H6PD: variants seen among roughly 807,000 people sequenced by gnomAD.
H6PD encodes hexose-6-phosphate dehydrogenase/glucose 1-dehydrogenase, also known as GDH/6PGL endoplasmic bifunctional protein.
In H6PD, 48 loss-of-function variants were observed where a neutral mutation model predicts 61.2. The observed-to-expected ratio is 0.78, with a 90% CI of 0.62 to 1.00. H6PD has a LOEUF of 1.00. Among genes scored for constraint, H6PD ranks in the 50% least tolerant of loss-of-function variants. H6PD has a pLI of 0.00. For synonymous variants in H6PD, 480 were observed against 457.9 expected, an observed-to-expected ratio of 1.05 and a Z score of -0.62; for missense variants, 1,093 against 1,065.0, an observed-to-expected ratio of 1.03 and a Z score of -0.37.
Position 9,245,386 on chromosome 1 carries a change from A to C in H6PD, c.452A>C (p.Asp151Ala), listed in dbSNP as rs34603401. The stretch of plus-strand genomic sequence containing the variant: ...TCAGTGCCACCCTTCGCCTATGAAG[A>C]CATTGCCCGCAACATCAACAGTAGC... ...YFSVPPFAYE[D>A]IARNINSSCR... The change falls in exon 2 of 5, where the codon GAC becomes GCC. Residue 151 changes from aspartate to alanine, a missense_variant. Coordinates refer to ENST00000377403, the MANE Select transcript of H6PD (RefSeq NM_004285.4). The surrounding 1 kb of genome is among the most constrained non-coding windows in gnomAD (Gnocchi z 4.8). 0.14 allele frequency: 220,779 copies of C among 1,614,012 alleles called. 16,395 individuals are homozygous for C. The highest frequency in any genetic ancestry group is 0.17 in the Middle Eastern group (1,006 of 6,062).
Position 9,264,423 on chromosome 1 carries a change from G to T in H6PD, c.1930G>T (p.Val644Phe), listed in dbSNP as rs374802298. The change falls in exon 5 of 5, where the codon GTC (valine) becomes TTC (phenylalanine). Residue 644 changes from valine (V) to phenylalanine (F), a missense_variant. Transcript: ENST00000377403. ...CCTGCAGGCCCACCTGCTGCAGCACGTCCGGATCCCCTACTACAACATCCA... is the reference window on the plus strand; with the variant it reads ...CCTGCAGGCCCACCTGCTGCAGCACTTCCGGATCCCCTACTACAACATCCA... ...QGLQAHLLQHVRIPYYNIHPM... is the reference protein window; with the variant it reads ...QGLQAHLLQHFRIPYYNIHPM... 3.1e-6 allele frequency: 5 copies of T among 1,612,972 alleles called. No homozygotes were observed. Among genetic ancestry groups the T allele is most frequent in the Non-Finnish European group, 4.2e-6 (5 of 1,179,944 alleles).
intron 4 of H6PD, among the ~76,000 whole-genome samples, chr1:9,263,083 C>T (rs994777585): frequency 9.2e-5 from 14 of 152,092 alleles, no homozygotes; most frequent in African/African-American, 2.7e-4. Context: ...GACCCTGCGT[C>T]GGGTGCATCC....
In H6PD at chr1:9,245,188, C is replaced by T. The variant is rs770294457; in HGVS notation, c.254C>T (p.Ser85Phe). ...ELMAKALESL[S>F]CPKDMAPSHC... ...ATGGCCAAGGCCCTGGAATCCCTCT[C>T]CTGCCCCAAGGACATGGCACCCAGT... The change falls in exon 2 of 5, where the codon TCC becomes TTC. Residue 85 changes from serine (S) to phenylalanine (F), a missense_variant. Transcript: ENST00000377403. The surrounding 1 kb of genome is among the most constrained non-coding windows in gnomAD (Gnocchi z 4.8). 4.3e-6 allele frequency: 7 copies of T among 1,614,134 alleles called. No homozygotes were observed. The highest frequency in any genetic ancestry group is 5.9e-6 in the Non-Finnish European group (7 of 1,180,050).
rs1275092756 is a variant in H6PD, at chr1:9,264,346, T to A, written c.1853T>A (p.Leu618Gln). ...CCCTGGGCCCACACGCACCTGTGGC[T>A]GGTTGACGAGCGCTGCGTCCCACTC... ...GFPWAHTHLWLVDERCVPLSD... is the reference protein window; with the variant it reads ...GFPWAHTHLWQVDERCVPLSD... The change falls in exon 5 of 5, where the codon CTG (leucine) becomes CAG (glutamine). Residue 618 changes from leucine to glutamine, a missense_variant. Transcript: ENST00000377403. 6.2e-7 allele frequency: 1 copy of A among 1,612,390 alleles called. No individual in the cohort carries two copies. Among genetic ancestry groups the A allele is most frequent in the African/African-American group, 1.3e-5 (1 of 74,936 alleles).
intron 3 of H6PD, among the ~76,000 whole-genome samples, chr1:9,256,829 C>T (rs984231870): frequency 2.6e-5 from 4 of 152,192 alleles, no homozygotes; most frequent in African/African-American, 9.7e-5. Context: ...CCTATTTCCT[C>T]ATCTTACACT....
At position 9,264,421 on chromosome 1, in the gene H6PD, A is replaced by G; in HGVS notation, c.1928A>G (p.His643Arg). The G allele has an allele frequency of 6.2e-7, 1 of 1,613,096 alleles. No individual in the cohort carries two copies. The highest frequency in any genetic ancestry group is 8.5e-7 in the Non-Finnish European group (1 of 1,179,958). The part of the protein sequence containing the change: ...FQGLQAHLLQ[H>R]VRIPYYNIHP... ...GGCCTGCAGGCCCACCTGCTGCAGC[A>G]CGTCCGGATCCCCTACTACAACATC... The change falls in exon 5 of 5, where the codon CAC (histidine) becomes CGC (arginine). Residue 643 changes from histidine to arginine, a missense_variant. By Grantham distance (29) the His-to-Arg change is conservative. Coordinates refer to ENST00000377403, the MANE Select transcript of H6PD (RefSeq NM_004285.4).
At chr1:9,261,969 G>A (rs1638318339) in intron 3 of H6PD, 90 bp from the exon 4 acceptor site, 1 of 1,307,176 alleles carries the variant, frequency 7.7e-7, no homozygotes, top group Non-Finnish European at 1.1e-6. Context: ...CAGGATGAAT[G>A]TGCGGGCTGG....
chr1:9,236,582 C>G (rs1640854967), intron 1 of H6PD, among the ~76,000 whole-genome samples: 1 of 151,946 alleles, frequency 6.6e-6, no homozygotes, highest in Admixed American at 6.6e-5. Context: ...ATCGCTTGAA[C>G]CGCCCTGCCT....
rs190913944 is a variant in H6PD at position 9,266,643 on chromosome 1, T to C, written c.*1774T>C. The C allele has an allele frequency of 6.6e-6, 1 of 152,352 alleles. No homozygotes were observed. Among genetic ancestry groups the C allele is most frequent in the African/African-American group, 2.4e-5 (1 of 41,556 alleles). 9.4% of individuals were successfully genotyped at this position (152,352 alleles called of 1,614,324 possible). A position where few individuals can be genotyped will look rare whatever the true frequency, so the allele number is the denominator to read the frequency against. ...TTCTAGCGCATTTTGAGAGAGGGCT[T>C]TCTTGGGTGAGGGAGCATGGCAAAG... On this transcript the variant is annotated 3_prime_UTR_variant, in exon 5 of 5. Transcript: ENST00000377403.
rs760222947 is a variant in H6PD at position 9,264,913 on chromosome 1, C to T, written c.*44C>T. 19 of 1,602,166 alleles carry T rather than the reference C, an allele frequency of 1.2e-5. No individual in the cohort carries two copies. Among genetic ancestry groups the T allele is most frequent in the Non-Finnish European group, 1.6e-5 (19 of 1,176,902 alleles). ...CCCGCTTCGCTCCTGTGCTTTCCTT[C>T]GCCCGTGTCTTCCCTCCCTTCTCGG... On this transcript the variant is annotated 3_prime_UTR_variant, in exon 5 of 5. Transcript: ENST00000377403.
intron 3 of H6PD, among the ~76,000 whole-genome samples, chr1:9,261,231 GA>G (rs1331897566): frequency 6.6e-6 from 1 of 152,022 alleles, no homozygotes; most frequent in Non-Finnish European, 1.5e-5. Context: ...ACTGATCTTA[GA>G]AAAAAGTCCA....
In H6PD at chr1:9,264,411, C is replaced by G. The variant is rs752717451; in HGVS notation, c.1918C>G (p.Leu640Val). 1 of 1,612,864 alleles carries G rather than the reference C, an allele frequency of 6.2e-7. No homozygotes were observed. The highest frequency in any genetic ancestry group is 1.1e-5 in the South Asian group (1 of 91,084). The change falls in exon 5 of 5, where the codon CTG becomes GTG. Residue 640 changes from leucine (L) to valine (V), a missense_variant. Physicochemically the swap from Leu to Val is conservative, Grantham distance 32. Transcript: ENST00000377403. ...CAACTTCCAGGGCCTGCAGGCCCAC[C>G]TGCTGCAGCACGTCCGGATCCCCTA... Reference protein sequence around the residue: ...ESNFQGLQAHLLQHVRIPYYN... With the variant: ...ESNFQGLQAHVLQHVRIPYYN...
Position 9,268,238 on chromosome 1 carries a change from CAAAAA to C in H6PD, c.*3386_*3390del, listed in dbSNP as rs745801230. 0.13 allele frequency: 14,839 copies of C among 111,778 alleles called. 949 individuals carry two copies. Among genetic ancestry groups the C allele is most frequent in the Admixed American group, 0.18 (1,939 of 10,772 alleles). The allele number at this position is 111,778 out of a possible 1,614,324, so 6.9% of individuals were successfully genotyped here. The stretch of plus-strand genomic sequence containing the variant: ...TGGAAAACAGAGTGAGACCCTATCT[CAAAAA>C]AAAAAAAAAAAAAAAAGGAAAGAGT... On this transcript the variant is annotated 3_prime_UTR_variant, in exon 5 of 5. Transcript: ENST00000377403.
chr1:9,247,901 C>T (rs1641236005), intron 3 of H6PD, among the ~76,000 whole-genome samples: 1 of 152,236 alleles, frequency 6.6e-6, no homozygotes, highest in Non-Finnish European at 1.5e-5. Flanking sequence ...AAAGCACTGG[C>T]TCTTGCCCAG....
intron 3 of H6PD, among the ~76,000 whole-genome samples, chr1:9,256,418 G>A (rs888250053): frequency 2.0e-5 from 3 of 152,148 alleles, no homozygotes; most frequent in Admixed American, 6.5e-5. Context: ...AGTGGCTGCC[G>A]GCTTCATTTC....
rs1358577786 is a variant in H6PD at position 9,245,742 on chromosome 1, G to C, written c.627+181G>C. Among the ~76,000 whole-genome samples the C allele has an allele frequency of 6.6e-6, 1 of 152,172 alleles. No homozygotes were observed. Among genetic ancestry groups the C allele is most frequent in the Non-Finnish European group, 1.5e-5 (1 of 68,022 alleles). ...TAAAGGAAAGACAGCAGCAGGGCAG[G>C]ACTGTTGGGTCCTTGTCCATGTGTC... On this transcript the variant is annotated intron_variant, in intron 2 of 4. Transcript: ENST00000377403. This position sits in a 1 kb window ranked among gnomAD's most constrained non-coding sequence, Gnocchi z 4.8.
At position 9,247,009 on chromosome 1, in the gene H6PD, C is replaced by T. The variant is rs1418270664; in HGVS notation, c.671C>T (p.Ala224Val). 6.2e-7 allele frequency: 1 copy of T among 1,614,056 alleles called. No individual in the cohort carries two copies. Among genetic ancestry groups the T allele is most frequent in the Non-Finnish European group, 8.5e-7 (1 of 1,179,946 alleles). ...ILPFRDQNRK[A>V]LDGLWNRHHV... is the part of the protein sequence containing the mutation. ...CCTTTCCGAGACCAGAACCGCAAGG[C>T]TTTGGACGGCCTCTGGAACCGGCAC... Residue 224 changes from alanine to valine, a missense_variant, in exon 3 of 5, where the codon GCT (alanine) becomes GTT (valine). Physicochemically the swap from Ala to Val is moderately conservative, Grantham distance 64. Transcript: ENST00000377403.
intron 3 of H6PD, among the ~76,000 whole-genome samples, chr1:9,259,454 G>A (rs1557746788): frequency 6.6e-6 from 1 of 152,136 alleles, no homozygotes; most frequent in Non-Finnish European, 1.5e-5. Flanking sequence ...TGTTAAGCCA[G>A]TGTTGTTATG....
chr1:9,237,653 G>A (rs1025585994), intron 1 of H6PD, among the ~76,000 whole-genome samples: 8 of 152,160 alleles, frequency 5.3e-5, no homozygotes, highest in East Asian at 1.9e-4. Context: ...ATGTCACACC[G>A]ATAGCCTAGC....
Sources: gnomAD v4.1 joint callset for allele counts (sites outside exome capture counted in the v4.1 genomes callset) on GRCh38, gnomAD v4.1.1 for gene constraint, Gnocchi (gnomAD v3.1) non-coding constraint, MANE v1.5 for transcripts, NCBI Gene and HGNC (gene_info 2026-07-23, HGNC 2026-07-21) for gene names.